NUDC: variants seen among roughly 807,000 people sequenced by gnomAD.
The protein encoded by NUDC is nuclear migration protein nudC.
In NUDC, 14 loss-of-function variants were observed where a neutral mutation model predicts 45.0. The ratio of observed to expected loss-of-function variants is 0.31; its 90% CI spans 0.21 to 0.49. NUDC has a LOEUF of 0.49. Among genes scored for constraint, NUDC ranks in the 20% least tolerant of loss-of-function variants. NUDC has a pLI of 0.99. For missense variants in NUDC, 323 were observed against 426.2 expected (o/e 0.76, Z 2.13); for synonymous variants, 153 against 156.7 (o/e 0.98, Z 0.17).
At chr1:26,933,838 C>T (rs1291029008) in intron 2 of NUDC, among the ~76,000 whole-genome samples, 1 of 152,102 alleles carries the variant, frequency 6.6e-6, no homozygotes, top group Non-Finnish European at 1.5e-5. Flanking sequence ...AAGGAATACC[C>T]CAGACTGGGT....
intron 2 of NUDC, among the ~76,000 whole-genome samples, chr1:26,907,585 T>A (rs145688525): frequency 2.0e-5 from 3 of 151,150 alleles, no homozygotes; most frequent in Admixed American, 6.6e-5. Flanking sequence ...GTGGAGTTAA[T>A]GCGGGACACA....
upstream of NUDC, among the ~76,000 whole-genome samples, chr1:26,918,722 C>T (rs1166804308): frequency 6.6e-6 from 1 of 151,066 alleles, no homozygotes; most frequent in Non-Finnish European, 1.5e-5. Context: ...TTACAGGTTC[C>T]CACCACTATG....
intron 3 of NUDC, chr1:26,914,004 A>G: frequency 7.7e-7 from 1 of 1,304,436 alleles, no homozygotes; most frequent in Non-Finnish European, 9.9e-7. Context: ...GGTGCTATTT[A>G]TATTCCCAGT....
chr1:26,941,832 C>T lies in NUDC; in HGVS notation c.429+14C>T, dbSNP rs779689728. 1.2e-6 allele frequency: 2 copies of T among 1,612,064 alleles called. No individual in the cohort carries two copies. Among genetic ancestry groups the T allele is most frequent in the Non-Finnish European group, 1.7e-6 (2 of 1,179,584 alleles). The stretch of plus-strand genomic sequence containing the variant: ...CCAGGGAAGCAGGTGAGATGGACTG[C>T]AGGGACTTGGGATGAGCCAGGAGCT... On this transcript the variant is annotated intron_variant, in intron 4 of 8. Coordinates refer to ENST00000321265, the MANE Select transcript of NUDC (RefSeq NM_006600.4).
chr1:26,918,331 A>G (rs1418767139), upstream of NUDC, among the ~76,000 whole-genome samples: 6 of 143,488 alleles, frequency 4.2e-5, no homozygotes, highest in Non-Finnish European at 9.0e-5. Context: ...CCAGGCCCAG[A>G]GGCCCAATCT....
At chr1:26,909,798 G>T (rs370232261) in intron 2 of NUDC, among the ~76,000 whole-genome samples, 150 of 152,126 alleles carry the variant, frequency 9.9e-4, no homozygotes, top group African/African-American at 3.4e-3. Flanking sequence ...GGGGCCTGAG[G>T]TCTGAGTTTG....
At chr1:26,940,293 A>G (rs1166772052) in intron 2 of NUDC, among the ~76,000 whole-genome samples, 3 of 152,074 alleles carry the variant, frequency 2.0e-5, no homozygotes, top group East Asian at 3.9e-4. Flanking sequence ...CCTGACCAAC[A>G]TGGAGAAACC....
intron 6 of NUDC, among the ~76,000 whole-genome samples, chr1:26,944,347 C>T (rs979774668): frequency 9.2e-5 from 14 of 152,092 alleles, no homozygotes; most frequent in African/African-American, 3.4e-4. Context: ...TAACTGCGAG[C>T]GCCACCCTAC....
At chr1:26,900,201 G>A, upstream of NUDC, 2 of 1,614,186 alleles carry the variant, frequency 1.2e-6, no homozygotes, top group Non-Finnish European at 1.7e-6. Flanking sequence ...GGTGGCCGAA[G>A]TCTGAGAGAG....
At chr1:26,900,423 G>C in intron 1 of NUDC, 1 of 1,609,778 alleles carries the variant, frequency 6.2e-7, no homozygotes, top group Non-Finnish European at 8.5e-7. Context: ...CTCCTCCTCC[G>C]CCTCGCCGGG....
At position 26,946,485 on chromosome 1, in the gene NUDC, C is replaced by G. The variant is rs1486720050; in HGVS notation, c.*304C>G. The G allele has an allele frequency of 6.8e-5, 30 of 440,014 alleles. No homozygotes were observed. 27.3% of individuals were successfully genotyped at this position (440,014 alleles called of 1,614,324 possible). A position where few individuals can be genotyped will look rare whatever the true frequency, so the allele number is the denominator to read the frequency against. On this transcript the variant is annotated 3_prime_UTR_variant, in exon 9 of 9. Transcript: ENST00000321265. ...GGGAACTGGGAGTTTGGCTTCTAGCCCAGATTCTGCCATGTGACCTAGGGC... is the reference window on the plus strand; with the variant it reads ...GGGAACTGGGAGTTTGGCTTCTAGCGCAGATTCTGCCATGTGACCTAGGGC...
At chr1:26,923,007 G>C (rs548900841) in intron 1 of NUDC, among the ~76,000 whole-genome samples, 1 of 152,326 alleles carries the variant, frequency 6.6e-6, no homozygotes, top group African/African-American at 2.4e-5. Flanking sequence ...TCTAGCATCA[G>C]ATTTAATCAG....
intron 3 of NUDC, chr1:26,911,393 G>A: frequency 2.9e-6 from 1 of 346,670 alleles, no homozygotes; most frequent in Non-Finnish European, 5.7e-6. Flanking sequence ...CAACCCTGTG[G>A]ATTTTTTCCC....
At chr1:26,900,604 C>T in intron 1 of NUDC, 1 of 637,240 alleles carries the variant, frequency 1.6e-6, no homozygotes, top group Admixed American at 3.0e-5. Flanking sequence ...TGTTCCTTTC[C>T]CACAGAGGGA....
At chr1:26,939,627 G>A (rs555612320) in intron 2 of NUDC, among the ~76,000 whole-genome samples, 36 of 152,186 alleles carry the variant, frequency 2.4e-4, no homozygotes, top group Non-Finnish European at 4.1e-4. Context: ...ACAAGATAGA[G>A]GCACAGAGAC....
At chr1:26,912,566 C>T (rs951852148) in intron 3 of NUDC, among the ~76,000 whole-genome samples, 13 of 152,252 alleles carry the variant, frequency 8.5e-5, no homozygotes, top group African/African-American at 2.4e-4. Context: ...ACGATTTATG[C>T]GTGCCACAAG....
At chr1:26,937,218 G>A (rs1011211009) in intron 2 of NUDC, among the ~76,000 whole-genome samples, 7 of 152,130 alleles carry the variant, frequency 4.6e-5, no homozygotes, top group Admixed American at 2.0e-4. Flanking sequence ...CCACCCTCCC[G>A]ACACCTTGAT....
intron 3 of NUDC, chr1:26,913,384 C>A (rs763152717): frequency 1.2e-5 from 20 of 1,612,174 alleles, no homozygotes; most frequent in Admixed American, 5.0e-5. Context: ...CCTTGCCCCC[C>A]ACCCAGGAGT....
intron 5 of NUDC, 23 bp downstream of exon 5, chr1:26,942,799 A>G (rs202205518): frequency 1.2e-6 from 2 of 1,614,206 alleles, no homozygotes; most frequent in East Asian, 2.2e-5. Flanking sequence ...GACCAGAGGT[A>G]AAGCTTAGGG....
Sources: gnomAD v4.1 joint callset for allele counts (sites outside exome capture counted in the v4.1 genomes callset) on GRCh38, gnomAD v4.1.1 for gene constraint, MANE v1.5 for transcripts, NCBI Gene and HGNC (gene_info 2026-07-23, HGNC 2026-07-21) for gene names.